CEP120: variants seen among roughly 807,000 people sequenced by gnomAD.
CEP120 encodes centrosomal protein of 120 kDa.
A neutral mutation model predicts 126.5 loss-of-function variants in CEP120; 113 were observed. That is an observed-to-expected ratio of 0.89 (90% CI 0.77 to 1.04). The LOEUF (loss-of-function observed/expected upper bound fraction) is 1.04, where lower values mean the gene tolerates loss of function less well. Ranked by LOEUF, CEP120 falls within the 50% of genes least tolerant of loss-of-function variation. The pLI, the probability that CEP120 is intolerant of heterozygous loss-of-function variation, is 0.00. For synonymous variants in CEP120, 400 were observed against 394.3 expected (o/e 1.01, Z -0.17); for missense variants, 1,230 against 1,155.7 (o/e 1.06, Z -0.93).
At chr5:123,348,533 C>T (rs1195751649) in intron 19 of CEP120, among the ~76,000 whole-genome samples, 2 of 152,192 alleles carry the variant, frequency 1.3e-5, no homozygotes, top group Non-Finnish European at 2.9e-5. Context: ...TAAGCACGGT[C>T]CTTAAAGCTG....
chr5:123,401,044 C>G, intron 4 of CEP120: 1 of 1,565,590 alleles, frequency 6.4e-7, no homozygotes, highest in East Asian at 2.2e-5. Flanking sequence ...TAGCTGAGGC[C>G]GGGGCTTGTG....
rs200376887 is a variant in CEP120 at position 123,382,325 on chromosome 5, T to TA, written c.2014-126dup. 0.16 allele frequency: 34,327 copies of TA among 219,132 alleles called. 2,817 individuals carry two copies. Among genetic ancestry groups the TA allele is most frequent in the Admixed American group, 0.19 (2,772 of 14,904 alleles). 13.6% of individuals were successfully genotyped at this position (219,132 alleles called of 1,614,324 possible). On this transcript the variant is annotated intron_variant, in intron 13 of 19. Coordinates refer to ENST00000306467, the MANE Select transcript of CEP120 (RefSeq NM_001375405.1). Reference sequence around the variant, plus strand: ...TTTTTTCAGGCATTCTTTTTTATTCTAAAAAAAAAAAAAAAAAAAAGGAGG... The same window carrying TA: ...TTTTTTCAGGCATTCTTTTTTATTCTAAAAAAAAAAAAAAAAAAAAAGGAGG...
chr5:123,407,115 A>AC (rs1284891210), intron 4 of CEP120, among the ~76,000 whole-genome samples: 4 of 151,246 alleles, frequency 2.6e-5, no homozygotes, highest in African/African-American at 7.3e-5. Flanking sequence ...TAAAAAAAAA[A>AC]AAAACAAAAA....
chr5:123,389,361 ATTAT>A (rs1214916589), intron 8 of CEP120, among the ~76,000 whole-genome samples: 9 of 152,332 alleles, frequency 5.9e-5, no homozygotes, highest in African/African-American at 1.9e-4. Context: ...CAAAAACTAT[ATTAT>A]TTAATGTCTA....
chr5:123,396,587 T>C (rs569276488), intron 5 of CEP120, among the ~76,000 whole-genome samples: 1 of 152,298 alleles, frequency 6.6e-6, no homozygotes, highest in Admixed American at 6.5e-5. Context: ...AACAACATGG[T>C]AGGCACCTTA....
intron 3 of CEP120, among the ~76,000 whole-genome samples, chr5:123,413,191 G>C (rs913439159): frequency 5.3e-5 from 8 of 151,814 alleles, no homozygotes; most frequent in Non-Finnish European, 1.0e-4. Context: ...AGGATTGCTT[G>C]AGCCCGATAA....
chr5:123,346,407 T>C lies in CEP120; in HGVS notation c.*112A>G. 1.3e-6 allele frequency: 1 copy of C among 756,708 alleles called. No homozygotes were observed. The highest frequency in any genetic ancestry group is 2.7e-5 in the East Asian group (1 of 36,680). 46.9% of individuals were successfully genotyped at this position (756,708 alleles called of 1,614,324 possible). On this transcript the variant is annotated 3_prime_UTR_variant, in exon 20 of 20. Coordinates refer to ENST00000306467, the MANE Select transcript of CEP120 (RefSeq NM_001375405.1). Reference sequence around the variant, plus strand: ...ATACAATAACATACAAAATTTTGCTTATAAAAAATTGAAAATACCATTTTA... The same window carrying C: ...ATACAATAACATACAAAATTTTGCTCATAAAAAATTGAAAATACCATTTTA...
In CEP120 at chr5:123,423,130, G is replaced by A. The variant is rs993238296; in HGVS notation, c.-132C>T. 6 of 733,406 alleles carry A rather than the reference G, an allele frequency of 8.2e-6. No individual in the cohort carries two copies. Among genetic ancestry groups the A allele is most frequent in the African/African-American group, 3.5e-5 (2 of 57,610 alleles). The allele number at this position is 733,406 out of a possible 1,614,324, so 45.4% of individuals were successfully genotyped here. ...GTCCCTGATGCCCGGACCCCGCTCC[G>A]CAGCCAGGTCCCACCGCCGTCTGCT... is the stretch of plus-strand genomic sequence containing the variant. On this transcript the variant is annotated 5_prime_UTR_variant, in exon 1 of 20. Coordinates refer to ENST00000306467, the MANE Select transcript of CEP120 (RefSeq NM_001375405.1).
chr5:123,423,097 C>T lies in CEP120; in HGVS notation c.-99G>A. ...GACCCCCGGCGGGACCCCCACTGCC[C>T]GCCCCCGGTCCCTGATGCCCGGACC... On this transcript the variant is annotated 5_prime_UTR_variant, in exon 1 of 20. Transcript: ENST00000306467. 1.0e-6 allele frequency: 1 copy of T among 1,004,020 alleles called. No individual in the cohort carries two copies. The highest frequency in any genetic ancestry group is 1.6e-6 in the Non-Finnish European group (1 of 641,140). The allele number at this position is 1,004,020 out of a possible 1,614,324, so 62.2% of individuals were successfully genotyped here.
intron 11 of CEP120, 118 bp from the exon 12 acceptor site, chr5:123,383,200 A>T (rs545122116): frequency 4.9e-6 from 3 of 612,606 alleles, no homozygotes; most frequent in African/African-American, 1.9e-5. Context: ...TCCTAACTCT[A>T]TTGTTTTTGA....
intron 18 of CEP120, among the ~76,000 whole-genome samples, chr5:123,363,895 A>T (rs962916597): frequency 6.6e-6 from 1 of 151,598 alleles, no homozygotes; most frequent in Non-Finnish European, 1.5e-5. Context: ...GATTCAAAAT[A>T]AAAATCTTAT....
At chr5:123,419,876 C>G (rs529147893) in intron 1 of CEP120, among the ~76,000 whole-genome samples, 1 of 152,240 alleles carries the variant, frequency 6.6e-6, no homozygotes, top group African/African-American at 2.4e-5. Context: ...AACGAAGAAG[C>G]ACTAAGAATC....
At chr5:123,378,822 G>A (rs931404904) in intron 14 of CEP120, among the ~76,000 whole-genome samples, 6 of 152,004 alleles carry the variant, frequency 3.9e-5, no homozygotes, top group African/African-American at 1.4e-4. Context: ...AGTCAGGGAT[G>A]GGGGTGCGTG....
intron 14 of CEP120, among the ~76,000 whole-genome samples, chr5:123,380,570 A>C (rs1309446425): frequency 6.6e-6 from 1 of 152,108 alleles, no homozygotes; most frequent in African/African-American, 2.4e-5. Context: ...CAAACCAAAA[A>C]TTACTTGGTG....
intron 17 of CEP120, among the ~76,000 whole-genome samples, chr5:123,367,323 AGTCTTTTCC>A (rs1335773416): frequency 2.6e-5 from 4 of 151,884 alleles, no homozygotes; most frequent in African/African-American, 9.7e-5. Context: ...ATATATCTTC[AGTCTTTTCC>A]ACCTATGTAG....
intron 18 of CEP120, among the ~76,000 whole-genome samples, chr5:123,360,401 C>T (rs573707332): frequency 7.9e-5 from 12 of 151,860 alleles, no homozygotes; most frequent in African/African-American, 2.9e-4. Context: ...TTCCTAGTGA[C>T]CTCAAAATGT....
In CEP120 at chr5:123,394,062, A is replaced by C. The variant is rs531471950; in HGVS notation, c.613-565T>G. The stretch of plus-strand genomic sequence containing the variant: ...TCAGAGTTGCTAGTTTCATGGCTAC[A>C]TATGACTAAGAGATGGGATTCTTGT... On this transcript the variant is annotated intron_variant, in intron 5 of 19. Transcript: ENST00000306467. Among the ~76,000 whole-genome samples the C allele has an allele frequency of 5.9e-5, 9 of 152,350 alleles. No individual in the cohort carries two copies. The South Asian group carries it at 1.9e-3, about 32-fold the overall frequency.
chr5:123,357,524 G>T (rs2126984984), intron 18 of CEP120, among the ~76,000 whole-genome samples: 1 of 152,132 alleles, frequency 6.6e-6, no homozygotes, highest in Middle Eastern at 3.4e-3. Flanking sequence ...TACACTTGTT[G>T]ATTAATTTGT....
At chr5:123,401,447 T>A in intron 4 of CEP120, 1 of 1,323,506 alleles carries the variant, frequency 7.6e-7, no homozygotes, top group Non-Finnish European at 1.1e-6. Context: ...GCACCGCAGG[T>A]TATCCCCATG....
Sources: allele counts gnomAD v4.1 joint callset (sites outside exome capture counted in the v4.1 genomes callset), GRCh38; gene constraint gnomAD v4.1.1; transcripts MANE v1.5; gene names NCBI Gene and HGNC (gene_info 2026-07-23, HGNC 2026-07-21).